The following SLC35A1 variants were observed in gnomAD, a reference collection of about 807,000 sequenced individuals.
SLC35A1 encodes the protein CMP-sialic acid transporter.
SLC35A1 carries 21 observed loss-of-function variants against 40.3 expected under a neutral mutation model. That is an observed-to-expected ratio of 0.52 (90% CI 0.37 to 0.75). The LOEUF (loss-of-function observed/expected upper bound fraction) is 0.75, where lower values mean the gene tolerates loss of function less well. Among genes scored for constraint, SLC35A1 ranks in the 30% least tolerant of loss-of-function variants. SLC35A1 has a pLI of 0.00. For missense variants in SLC35A1, 297 were observed against 382.1 expected (o/e 0.78, Z 1.86); for synonymous variants, 146 against 147.3 (o/e 0.99, Z 0.06).
rs1266571000 is a variant in SLC35A1, at chr6:87,506,551, T to C, written c.574+103T>C. ...TCTTGCTTTCTCAGTTTTATTCCCA[T>C]TAAACTTGATCTTCTTGCTTATATT... On this transcript the variant is annotated intron_variant, in intron 5 of 7. Transcript: ENST00000369552. 8 of 935,478 alleles carry C rather than the reference T, an allele frequency of 8.6e-6. No homozygotes were observed. The East Asian group carries it at 1.5e-4, about 17-fold the overall frequency. The allele number at this position is 935,478 out of a possible 1,614,324, so 57.9% of individuals were successfully genotyped here.
chr6:87,474,432 A>G (rs955151651), intron 1 of SLC35A1, among the ~76,000 whole-genome samples: 3 of 152,224 alleles, frequency 2.0e-5, no homozygotes, highest in African/African-American at 7.2e-5. Context: ...CAAACACTAT[A>G]TGGGAGCTAA....
In SLC35A1 at chr6:87,511,711, T is replaced by C; in HGVS notation, c.*185T>C. ...GTGAACTGCTAATACAGAAACTTAA[T>C]GTAGACCTGTTTGGGGTCTACTATT... On this transcript the variant is annotated 3_prime_UTR_variant, in exon 8 of 8. Transcript: ENST00000369552. 1 of 658,114 alleles carries C rather than the reference T, an allele frequency of 1.5e-6. No individual in the cohort carries two copies. Among genetic ancestry groups the C allele is most frequent in the South Asian group, 1.7e-5 (1 of 59,094 alleles). The allele number at this position is 658,114 out of a possible 1,614,324, so 40.8% of individuals were successfully genotyped here.
intron 2 of SLC35A1, among the ~76,000 whole-genome samples, chr6:87,484,196 G>C (rs961741043): frequency 2.0e-5 from 3 of 152,090 alleles, no homozygotes; most frequent in African/African-American, 7.2e-5. Context: ...TCCTTGCACT[G>C]GGCGGGTCCT....
chr6:87,497,002 T>TA (rs999262587), intron 2 of SLC35A1, among the ~76,000 whole-genome samples: 18 of 152,208 alleles, frequency 1.2e-4, no homozygotes, highest in African/African-American at 3.6e-4. Flanking sequence ...AATATAAGAT[T>TA]AAGAGCTGTA....
At chr6:87,481,144 G>A (rs935210491) in intron 2 of SLC35A1, among the ~76,000 whole-genome samples, 3 of 152,096 alleles carry the variant, frequency 2.0e-5, no homozygotes, top group East Asian at 1.9e-4. Flanking sequence ...GGCTGGGCGC[G>A]GTGGCTCATG....
chr6:87,496,624 C>T (rs1562023347), intron 2 of SLC35A1, among the ~76,000 whole-genome samples: 1 of 151,442 alleles, frequency 6.6e-6, no homozygotes, highest in Non-Finnish European at 1.5e-5. Context: ...ACTAAAAATA[C>T]AAAAAATTAG....
chr6:87,508,857 G>GA lies in SLC35A1; in HGVS notation c.752-179dup, dbSNP rs1770168571. Among the ~76,000 whole-genome samples, 3 of 146,366 alleles carry GA rather than the reference G, an allele frequency of 2.0e-5. No homozygotes were observed. In the South Asian group the frequency reaches 6.6e-4, roughly 32 times the overall value. On this transcript the variant is annotated intron_variant, in intron 6 of 7. Coordinates refer to ENST00000369552, the MANE Select transcript of SLC35A1 (RefSeq NM_006416.5). ...ACATAGCCCTCTGGGCATTGTTTTGGAAAAACAGTGTTATATAGGAACTAC... is the reference window on the plus strand; with the variant it reads ...ACATAGCCCTCTGGGCATTGTTTTGGAAAAAACAGTGTTATATAGGAACTAC...
intron 2 of SLC35A1, among the ~76,000 whole-genome samples, chr6:87,494,690 G>T (rs1300901727): frequency 6.6e-6 from 1 of 152,140 alleles, no homozygotes; most frequent in African/African-American, 2.4e-5. Flanking sequence ...CTCCCAAAGT[G>T]CTGGGATTAC....
intron 4 of SLC35A1, among the ~76,000 whole-genome samples, chr6:87,503,219 GGGTGCCTTAGCTAGCT>G (rs1769972665): frequency 6.6e-6 from 1 of 152,114 alleles, no homozygotes; most frequent in Non-Finnish European, 1.5e-5. Context: ...AGGAATTTGA[GGGTGCCTTAGCTAGCT>G]GGTTCTGGCT....
At chr6:87,474,185 A>C (rs1314046613) in intron 1 of SLC35A1, among the ~76,000 whole-genome samples, 3 of 152,254 alleles carry the variant, frequency 2.0e-5, no homozygotes, top group Non-Finnish European at 4.4e-5. Flanking sequence ...TACTTGAAAT[A>C]GCTGCAACAA....
intron 4 of SLC35A1, among the ~76,000 whole-genome samples, chr6:87,503,539 C>T (rs1769983510): frequency 6.6e-6 from 1 of 151,788 alleles, no homozygotes; most frequent in Non-Finnish European, 1.5e-5. Context: ...GGTGAAACCC[C>T]GTCTGTACTA....
chr6:87,482,495 G>C (rs1262847339), intron 2 of SLC35A1, among the ~76,000 whole-genome samples: 1 of 152,178 alleles, frequency 6.6e-6, no homozygotes, highest in Non-Finnish European at 1.5e-5. Flanking sequence ...TCCTGATTCT[G>C]TAAGTACTTT....
chr6:87,493,462 T>TTGTG (rs71018022), intron 2 of SLC35A1, among the ~76,000 whole-genome samples: 2,323 of 150,532 alleles, frequency 0.015, 20 homozygotes, highest in African/African-American at 0.023. Context: ...CTAAATCTAG[T>TTGTG]TGTGTGTGTG....
At chr6:87,509,662 ACAAT>A (rs1297663314) in intron 7 of SLC35A1, among the ~76,000 whole-genome samples, 5 of 152,144 alleles carry the variant, frequency 3.3e-5, no homozygotes, top group Non-Finnish European at 5.9e-5. Context: ...GGTTTTGAAA[ACAAT>A]CAAAATCTAG....
At chr6:87,505,282 A>G (rs1770045194) in intron 4 of SLC35A1, among the ~76,000 whole-genome samples, 1 of 152,112 alleles carries the variant, frequency 6.6e-6, no homozygotes, top group African/African-American at 2.4e-5. Flanking sequence ...ATGAATCTCA[A>G]CCCTCTAATT....
chr6:87,509,093 C>A lies in SLC35A1; in HGVS notation c.804C>A (p.Asp268Glu). Residue 268 changes from aspartate to glutamate, a missense_variant, in exon 7 of 8, where the codon GAC (aspartate) becomes GAA (glutamate). By Grantham distance (45) the Asp-to-Glu change is conservative. Coordinates refer to ENST00000369552, the MANE Select transcript of SLC35A1 (RefSeq NM_006416.5). ...CTTCTGTTGTGGTTAAGTACACAGA[C>A]AACATCATGAAAGGCTTTTCTGCAG... ...LYTSVVVKYTDNIMKGFSAAA... is the reference protein window; with the variant it reads ...LYTSVVVKYTENIMKGFSAAA... 1.2e-6 allele frequency: 2 copies of A among 1,614,066 alleles called. No individual in the cohort carries two copies. The highest frequency in any genetic ancestry group is 1.7e-6 in the Non-Finnish European group (2 of 1,179,932).
intron 3 of SLC35A1, 131 bp from the exon 4 acceptor site, chr6:87,501,027 G>A (rs1769908310): frequency 2.2e-6 from 2 of 896,098 alleles, no homozygotes; most frequent in African/African-American, 1.7e-5. Context: ...TGGGATTACA[G>A]GTGTGAGCCA....
At chr6:87,506,887 A>C (rs966654058) in intron 5 of SLC35A1, 1 of 213,418 alleles carries the variant, frequency 4.7e-6, no homozygotes, top group Non-Finnish European at 9.5e-6. Flanking sequence ...ACAGGTTAGG[A>C]GCTATGGAGT....
intron 1 of SLC35A1, among the ~76,000 whole-genome samples, chr6:87,476,796 TGG>T (rs1769085419): frequency 1.3e-5 from 2 of 151,446 alleles, no homozygotes; most frequent in South Asian, 4.2e-4. Flanking sequence ...GAGGCGGAGG[TGG>T]GCGGATCACT....
Sources: gnomAD v4.1 joint callset for allele counts (sites outside exome capture counted in the v4.1 genomes callset) on GRCh38, gnomAD v4.1.1 for gene constraint, MANE v1.5 for transcripts, NCBI Gene and HGNC (gene_info 2026-07-23, HGNC 2026-07-21) for gene names.